CEP170: variants seen among roughly 807,000 people sequenced by gnomAD.
The protein encoded by CEP170 is centrosomal protein of 170 kDa.
CEP170 carries 21 observed loss-of-function variants against 151.9 expected under a neutral mutation model. That is an observed-to-expected ratio of 0.14 (90% confidence interval 0.10 to 0.20). CEP170 has a LOEUF of 0.20. Ranked by LOEUF, CEP170 falls within the 10% of genes least tolerant of loss-of-function variation. The probability of loss-of-function intolerance (pLI) is 1.00; values close to 1 mark genes in which losing one functional copy is unlikely to be tolerated. For synonymous variants in CEP170, 356 were observed against 648.8 expected (o/e 0.55, Z 6.86); for missense variants, 964 against 1,892.9 (o/e 0.51, Z 9.11).
chr1:243,251,990 C>T (rs2065978860), intron 1 of CEP170, among the ~76,000 whole-genome samples: 1 of 152,128 alleles, frequency 6.6e-6, no homozygotes, highest in African/African-American at 2.4e-5. Flanking sequence ...ATGGCTAACT[C>T]ACTGCTGAAC....
chr1:243,207,683 A>T (rs1174351144), intron 4 of CEP170, among the ~76,000 whole-genome samples: 1 of 151,248 alleles, frequency 6.6e-6, no homozygotes, highest in African/African-American at 2.4e-5. Context: ...CATACAAAGT[A>T]TGTTCTCTGA....
intron 13 of CEP170, among the ~76,000 whole-genome samples, chr1:243,157,924 G>A (rs1026249042): frequency 1.3e-5 from 2 of 152,216 alleles, no homozygotes; most frequent in Admixed American, 1.3e-4. Flanking sequence ...AACATATGCA[G>A]AAAGTTCATG....
At chr1:243,210,608 A>ATTTTTTTTTTTTTTT (rs751388751) in intron 4 of CEP170, among the ~76,000 whole-genome samples, 9 of 67,958 alleles carry the variant, frequency 1.3e-4, no homozygotes, top group African/African-American at 1.8e-4. Flanking sequence ...ATTTTTCGTA[A>ATTTTTTTTTTTTTTT]TTTTTTTTTT....
chr1:243,232,335 G>T (rs1244064386), intron 1 of CEP170, among the ~76,000 whole-genome samples: 1 of 152,068 alleles, frequency 6.6e-6, no homozygotes, highest in East Asian at 1.9e-4. Context: ...AATTATATCA[G>T]TCTCTATCTT....
upstream of CEP170, among the ~76,000 whole-genome samples, chr1:243,255,562 G>A (rs1451978127): frequency 6.6e-6 from 1 of 152,176 alleles, no homozygotes; most frequent in Non-Finnish European, 1.5e-5. Flanking sequence ...TTGTAGTGTC[G>A]GCCGCCTTTA....
chr1:243,159,989 A>G (rs550280469), intron 13 of CEP170, among the ~76,000 whole-genome samples: 1 of 152,186 alleles, frequency 6.6e-6, no homozygotes, highest in Non-Finnish European at 1.5e-5. Context: ...GAGTTTCACC[A>G]TGTTGGCCAG....
At chr1:243,226,203 A>ATATGCCTATATATCTAGATATATATGCC (rs1553395873) in intron 1 of CEP170, among the ~76,000 whole-genome samples, 10 of 15,420 alleles carry the variant, frequency 6.5e-4, no homozygotes, top group African/African-American at 8.5e-4. Context: ...ATCTAGATAT[A>ATATGCCTATATATCTAGATATATATGCC]TATATATCTA....
chr1:243,162,449 G>A (rs1474228783), intron 13 of CEP170, among the ~76,000 whole-genome samples: 1 of 152,164 alleles, frequency 6.6e-6, no homozygotes, highest in Non-Finnish European at 1.5e-5. Context: ...TAGTAAGTAT[G>A]AAAAGACTAA....
intron 4 of CEP170, among the ~76,000 whole-genome samples, chr1:243,202,572 T>C (rs555620191): frequency 6.6e-6 from 1 of 151,986 alleles, no homozygotes; most frequent in Non-Finnish European, 1.5e-5. Context: ...CACATATATA[T>C]AATATAGAAA....
intron 1 of CEP170, among the ~76,000 whole-genome samples, chr1:243,230,071 C>G (rs1360999546): frequency 6.6e-6 from 1 of 152,170 alleles, no homozygotes; most frequent in African/African-American, 2.4e-5. Context: ...CTAGTTCTCA[C>G]CGGGCATGGT....
At position 243,165,981 on chromosome 1, in the gene CEP170, G is replaced by C; in HGVS notation, c.1979C>G (p.Ala660Gly). 6.2e-7 allele frequency: 1 copy of C among 1,613,466 alleles called. No individual in the cohort carries two copies. Among genetic ancestry groups the C allele is most frequent in the South Asian group, 1.1e-5 (1 of 91,060 alleles). ...CTCTGACCTCTGTGTTACAACCTTT[G>C]CTCTGTGGCTCTCAAGAGACTTTTC... ...NEEKSLESHR[A>G]KVVTQRSEIG... is the part of the protein sequence containing the mutation. Residue 660 changes from alanine to glycine, a missense_variant, in exon 13 of 20, where the codon GCA becomes GGA. Transcript: ENST00000366542.
chr1:243,152,729 C>T (rs534150268), intron 14 of CEP170, among the ~76,000 whole-genome samples: 60 of 151,480 alleles, frequency 4.0e-4, no homozygotes, highest in African/African-American at 1.4e-3. Flanking sequence ...GACGGGGTTT[C>T]ACCGTGTTAG....
At chr1:243,142,608 A>T in intron 14 of CEP170, 145 bp from the exon 15 acceptor site, 1 of 612,300 alleles carries the variant, frequency 1.6e-6, no homozygotes, top group Non-Finnish European at 2.9e-6. Context: ...TTTGATAATC[A>T]GTCTTAAACC....
chr1:243,241,817 T>G (rs2149130431), intron 1 of CEP170, among the ~76,000 whole-genome samples: 1 of 151,538 alleles, frequency 6.6e-6, no homozygotes, highest in Middle Eastern at 3.4e-3. Context: ...AGTATACATT[T>G]TCTAATCTCT....
In CEP170 at chr1:243,159,763, T is replaced by TGTGTGTGTGTGTGTGTGTGTG. The variant is rs2057892319; in HGVS notation, c.3677-3309_3677-3308insCACACACACACACACACACAC. ...ACATTCTACATTTTTGTTTCCGGTT[T>TGTGTGTGTGTGTGTGTGTGTG]TGTGTGTGTGTGTGTGTGTGTGTGT... On this transcript the variant is annotated intron_variant, in intron 13 of 19. Coordinates refer to ENST00000366542, the MANE Select transcript of CEP170 (RefSeq NM_014812.3). Among the ~76,000 whole-genome samples the TGTGTGTGTGTGTGTGTGTGTG allele has an allele frequency of 2.0e-4, 26 of 127,160 alleles. No individual in the cohort carries two copies. In the East Asian group the frequency reaches 4.5e-3, roughly 22 times the overall value. 83.4% of individuals were successfully genotyped at this position (127,160 alleles called of 152,430 possible).
intron 1 of CEP170, among the ~76,000 whole-genome samples, chr1:243,230,494 A>G (rs1049535076): frequency 1.3e-5 from 2 of 152,208 alleles, no homozygotes; most frequent in Non-Finnish European, 2.9e-5. Context: ...AAAGAAAACC[A>G]TCAACAAAAA....
At chr1:243,211,288 T>A (rs1210082252) in intron 4 of CEP170, 1 of 152,208 alleles carries the variant, frequency 6.6e-6, no homozygotes, top group African/African-American at 2.4e-5. Flanking sequence ...TTTAATACAG[T>A]CATGTCCTTG....
chr1:243,228,584 A>G (rs1235738075), intron 1 of CEP170, among the ~76,000 whole-genome samples: 3 of 152,348 alleles, frequency 2.0e-5, no homozygotes, highest in Admixed American at 1.3e-4. Flanking sequence ...AAAACACAAC[A>G]TGAATAAACA....
chr1:243,211,388 G>T (rs1291148527), intron 4 of CEP170: 1 of 153,184 alleles, frequency 6.5e-6, no homozygotes, highest in East Asian at 1.9e-4. Context: ...GTAGGTCTTA[G>T]AAGACACAGG....
Sources: allele counts gnomAD v4.1 joint callset (sites outside exome capture counted in the v4.1 genomes callset), GRCh38; gene constraint gnomAD v4.1.1; transcripts MANE v1.5; gene names NCBI Gene and HGNC (gene_info 2026-07-23, HGNC 2026-07-21).